The following GRID1 variants were observed in gnomAD, a reference collection of about 807,000 sequenced individuals.
GRID1 encodes the protein glutamate receptor ionotropic, delta-1.
A neutral mutation model predicts 98.0 loss-of-function variants in GRID1; 28 were observed. The ratio of observed to expected loss-of-function variants is 0.29; its 90% CI spans 0.21 to 0.39. GRID1 has a LOEUF of 0.39. Among genes scored for constraint, GRID1 ranks in the 10% least tolerant of loss-of-function variants. The pLI is 1.00. For missense variants in GRID1, 1,111 were observed against 1,340.5 expected, an observed-to-expected ratio of 0.83 and a Z score of 2.67; for synonymous variants, 553 against 538.5, an observed-to-expected ratio of 1.03 and a Z score of -0.37.
In GRID1 at chr10:86,070,873, A is replaced by T. The variant is rs142026867; in HGVS notation, c.726+67946T>A. On this transcript the variant is annotated intron_variant, in intron 4 of 15. Transcript: ENST00000327946. The stretch of plus-strand genomic sequence containing the variant: ...GGCTAATGGAGAGAAACCAATAAAG[A>T]GGGAAGCATCTGGGAAGAGAACCAC... Among the ~76,000 whole-genome samples the T allele has an allele frequency of 3.9e-5, 6 of 152,290 alleles. No homozygotes were observed. The East Asian group carries it at 1.2e-3, about 29-fold the overall frequency.
intron 3 of GRID1, among the ~76,000 whole-genome samples, chr10:86,172,608 T>G (rs926041369): frequency 6.6e-6 from 1 of 152,208 alleles, no homozygotes; most frequent in East Asian, 1.9e-4. Context: ...GCATGTAATT[T>G]TGCAGAAGTA....
intron 4 of GRID1, among the ~76,000 whole-genome samples, chr10:86,091,969 C>T (rs1216129602): frequency 6.6e-6 from 1 of 152,178 alleles, no homozygotes; most frequent in Non-Finnish European, 1.5e-5. Flanking sequence ...CCCCATGGGA[C>T]AAAAGAATCT....
chr10:85,646,709 C>T (rs1394208910), intron 13 of GRID1: 1 of 169,972 alleles, frequency 5.9e-6, no homozygotes, highest in African/African-American at 2.4e-5. Context: ...AGGTACAACT[C>T]TTCTCACAGT....
chr10:85,929,050 G>C (rs982120982), intron 4 of GRID1, among the ~76,000 whole-genome samples: 2 of 152,112 alleles, frequency 1.3e-5, no homozygotes, highest in Admixed American at 1.3e-4. Flanking sequence ...CTGATGCTTG[G>C]GTCTCAATAT....
chr10:86,316,106 T>C (rs571915079), intron 2 of GRID1, among the ~76,000 whole-genome samples: 1 of 152,266 alleles, frequency 6.6e-6, no homozygotes, highest in African/African-American at 2.4e-5. Flanking sequence ...GCCAGGGAAC[T>C]AGAACTGGTC....
rs12269099 is a variant in GRID1 at position 85,999,542 on chromosome 10, C to T, written c.727-83303G>A. On this transcript the variant is annotated intron_variant, in intron 4 of 15. Transcript: ENST00000327946. ...ACTGCAGATGAATATCCCTCATGAACATAGATACAAAAAATTTTAAGAAAA... is the reference window on the plus strand; with the variant it reads ...ACTGCAGATGAATATCCCTCATGAATATAGATACAAAAAATTTTAAGAAAA... 3.2e-3 allele frequency among the ~76,000 whole-genome samples: 488 copies of T among 152,160 alleles called. 2 individuals carry two copies. Among genetic ancestry groups the T allele is most frequent in the African/African-American group, 0.011 (464 of 41,526 alleles).
At chr10:86,320,798 T>C (rs544013298) in intron 2 of GRID1, among the ~76,000 whole-genome samples, 1 of 152,236 alleles carries the variant, frequency 6.6e-6, no homozygotes, top group African/African-American at 2.4e-5. Context: ...TTATTATTAT[T>C]ATAGTAAAAT....
chr10:85,978,310 C>A (rs77629902), intron 4 of GRID1, among the ~76,000 whole-genome samples: 1 of 152,064 alleles, frequency 6.6e-6, no homozygotes, highest in African/African-American at 2.4e-5. Flanking sequence ...TGATATGTTG[C>A]CCAAGCCGAA....
intron 4 of GRID1, among the ~76,000 whole-genome samples, chr10:85,977,553 C>T (rs1842488152): frequency 6.6e-6 from 1 of 152,208 alleles, no homozygotes; most frequent in Non-Finnish European, 1.5e-5. Context: ...AGCTATGAAA[C>T]ATTTCTAGCA....
chr10:85,617,515 C>T (rs1386820578), intron 14 of GRID1, among the ~76,000 whole-genome samples: 3 of 152,050 alleles, frequency 2.0e-5, no homozygotes, highest in Non-Finnish European at 4.4e-5. Context: ...AGCCACTGCA[C>T]CCAGCCCAAC....
intron 4 of GRID1, among the ~76,000 whole-genome samples, chr10:85,929,833 T>C (rs1257654629): frequency 6.6e-6 from 1 of 152,212 alleles, no homozygotes; most frequent in Non-Finnish European, 1.5e-5. Context: ...TTCTTAATCA[T>C]ATTTAATCAT....
At chr10:86,134,870 G>A (rs1384481948) in intron 4 of GRID1, among the ~76,000 whole-genome samples, 2 of 152,122 alleles carry the variant, frequency 1.3e-5, no homozygotes, top group African/African-American at 4.8e-5. Context: ...TACAAGACTT[G>A]GCCACACCTC....
At chr10:86,178,662 C>T (rs1332482500) in intron 3 of GRID1, among the ~76,000 whole-genome samples, 1 of 152,150 alleles carries the variant, frequency 6.6e-6, no homozygotes, top group Non-Finnish European at 1.5e-5. Context: ...TTAAACTAAG[C>T]GACTCCTCAT....
chr10:85,925,779 C>T (rs931397145), intron 4 of GRID1, among the ~76,000 whole-genome samples: 10 of 152,164 alleles, frequency 6.6e-5, no homozygotes, highest in African/African-American at 1.9e-4. Flanking sequence ...CGGGTACATC[C>T]GCTGGGAGAA....
At chr10:85,613,320 A>G in intron 15 of GRID1, 87 bp downstream of exon 15, 1 of 1,342,380 alleles carries the variant, frequency 7.4e-7, no homozygotes, top group Non-Finnish European at 1.0e-6. Flanking sequence ...GTAAATACTA[A>G]CTAGAAACAA....
At chr10:86,242,319 G>T (rs941792703) in intron 2 of GRID1, among the ~76,000 whole-genome samples, 3 of 152,276 alleles carry the variant, frequency 2.0e-5, no homozygotes, top group South Asian at 2.1e-4. Context: ...GGAGCAAAAG[G>T]CCCCACAAGT....
At chr10:85,631,171 T>C (rs1245953568) in intron 13 of GRID1, among the ~76,000 whole-genome samples, 1 of 152,210 alleles carries the variant, frequency 6.6e-6, no homozygotes, top group Non-Finnish European at 1.5e-5. Flanking sequence ...CCCAGGGAAA[T>C]TGAGGCTCAA....
intron 2 of GRID1, among the ~76,000 whole-genome samples, chr10:86,328,288 A>G (rs1283360936): frequency 1.3e-5 from 2 of 152,250 alleles, no homozygotes; most frequent in African/African-American, 4.8e-5. Context: ...AGCTGATTTC[A>G]GTTTTCCCTC....
chr10:85,862,352 A>C (rs1410598389), intron 6 of GRID1, among the ~76,000 whole-genome samples: 1 of 152,242 alleles, frequency 6.6e-6, no homozygotes, highest in Admixed American at 6.5e-5. Flanking sequence ...AGAGATGTCA[A>C]GGCATTTGCA....
Sources: gnomAD v4.1 joint callset for allele counts (sites outside exome capture counted in the v4.1 genomes callset) on GRCh38, gnomAD v4.1.1 for gene constraint, MANE v1.5 for transcripts, NCBI Gene and HGNC (gene_info 2026-07-23, HGNC 2026-07-21) for gene names.